The following EHF variants were observed in gnomAD, a reference collection of about 807,000 sequenced individuals.
The protein encoded by EHF is ETS homologous factor.
Under a neutral mutation model 45.1 loss-of-function variants are expected in EHF, and 14 were observed. The ratio of observed to expected loss-of-function variants is 0.31; its 90% CI spans 0.21 to 0.49. The LOEUF (loss-of-function observed/expected upper bound fraction) is 0.49, where lower values mean the gene tolerates loss of function less well. Ranked by LOEUF, EHF falls within the 20% of genes least tolerant of loss-of-function variation. EHF has a pLI of 0.99. For synonymous variants in EHF, 136 were observed against 131.8 expected, an observed-to-expected ratio of 1.03 and a Z score of -0.22; for missense variants, 282 against 371.4, an observed-to-expected ratio of 0.76 and a Z score of 1.98.
intron 6 of EHF, among the ~76,000 whole-genome samples, chr11:34,655,173 C>A (rs1855544213): frequency 6.6e-6 from 1 of 152,148 alleles, no homozygotes; most frequent in East Asian, 1.9e-4. Context: ...GCAGGCCCTG[C>A]TAGTGACAAT....
rs2134254970 is a variant in EHF at position 34,661,158 on chromosome 11, C to T, written c.*2227C>T. The T allele has an allele frequency of 6.6e-6, 1 of 152,230 alleles. No individual in the cohort carries two copies. Among genetic ancestry groups the T allele is most frequent in the South Asian group, 2.1e-4 (1 of 4,814 alleles). 9.4% of individuals were successfully genotyped at this position (152,230 alleles called of 1,614,324 possible). A position where few individuals can be genotyped will look rare whatever the true frequency, so the allele number is the denominator to read the frequency against. ...AAGGCCAAAGAACTATGGGGCCTTC[C>T]CAGCATTTGACTGTTCATTGCATAG... On this transcript the variant is annotated 3_prime_UTR_variant, in exon 9 of 9. Transcript: ENST00000257831.
intron 6 of EHF, among the ~76,000 whole-genome samples, chr11:34,652,212 AAGGTCCGTGAACCTGT>A (rs1855239046): frequency 6.6e-6 from 1 of 152,232 alleles, no homozygotes; most frequent in South Asian, 2.1e-4. Context: ...GTAAAATTCA[AAGGTCCGTGAACCTGT>A]AGTGATAGTT....
chr11:34,639,075 C>T (rs574059153), intron 1 of EHF, among the ~76,000 whole-genome samples: 10 of 152,228 alleles, frequency 6.6e-5, no homozygotes, highest in African/African-American at 2.2e-4. Context: ...AATACTCCCC[C>T]GCAACCCCCT....
chr11:34,637,855 A>T (rs997736397), intron 1 of EHF, among the ~76,000 whole-genome samples: 1 of 151,998 alleles, frequency 6.6e-6, no homozygotes, highest in South Asian at 2.1e-4. Context: ...ATAGGGAAAT[A>T]TATATGAAAA....
Position 34,660,953 on chromosome 11 carries a change from C to T in EHF, c.*2022C>T, listed in dbSNP as rs1856043704. The T allele has an allele frequency of 6.6e-6, 1 of 152,150 alleles. No individual in the cohort carries two copies. The highest frequency in any genetic ancestry group is 1.5e-5 in the Non-Finnish European group (1 of 68,004). 9.4% of individuals were successfully genotyped at this position (152,150 alleles called of 1,614,324 possible). ...TCTTGGAGCACACATGAATAACTTTCTGAAGGTGCAACCAAATCCATTTTT... is the reference window on the plus strand; with the variant it reads ...TCTTGGAGCACACATGAATAACTTTTTGAAGGTGCAACCAAATCCATTTTT... On this transcript the variant is annotated 3_prime_UTR_variant, in exon 9 of 9. Transcript: ENST00000257831.
chr11:34,650,951 G>C (rs2134177818), intron 4 of EHF, among the ~76,000 whole-genome samples: 1 of 152,180 alleles, frequency 6.6e-6, no homozygotes, highest in East Asian at 1.9e-4. Context: ...CCTTGGTTTT[G>C]TTTTGAGAAT....
chr11:34,632,576 G>C, intron 1 of EHF: 1 of 1,535,632 alleles, frequency 6.5e-7, no homozygotes, highest in Non-Finnish European at 8.7e-7. Flanking sequence ...AGAGTTTTCT[G>C]TGAAGGCAAG....
At chr11:34,640,947 G>A (rs1853939285) in intron 1 of EHF, among the ~76,000 whole-genome samples, 1 of 152,178 alleles carries the variant, frequency 6.6e-6, no homozygotes, top group South Asian at 2.1e-4. Flanking sequence ...TACAGACGAG[G>A]TATGATTAGC....
In EHF at chr11:34,621,205, A is replaced by G. The variant is rs369146883; in HGVS notation, c.-27A>G. On this transcript the variant is annotated 5_prime_UTR_variant, in exon 1 of 9. Coordinates refer to ENST00000257831, the MANE Select transcript of EHF (RefSeq NM_012153.6). The stretch of plus-strand genomic sequence containing the variant: ...AACAGCCACAGCTATTGGATTTCCC[A>G]CCCAGAATCTTTAGGTAAATGAGGT... 3 of 152,196 alleles carry G rather than the reference A, an allele frequency of 2.0e-5. No homozygotes were observed. Among genetic ancestry groups the G allele is most frequent in the African/African-American group, 7.2e-5 (3 of 41,442 alleles). The allele number at this position is 152,196 out of a possible 1,614,324, so 9.4% of individuals were successfully genotyped here.
intron 1 of EHF, chr11:34,624,227 G>A (rs1180847344): frequency 2.0e-6 from 2 of 978,628 alleles, no homozygotes; most frequent in Non-Finnish European, 1.2e-6. Context: ...GGAGGCATTG[G>A]CTCCACTGCA....
rs376855051 is a variant in EHF at position 34,646,607 on chromosome 11, G to A, written c.266G>A (p.Ser89Asn). 2.5e-6 allele frequency: 4 copies of A among 1,613,754 alleles called. No homozygotes were observed. The highest frequency in any genetic ancestry group is 4.5e-5 in the East Asian group (2 of 44,892). Residue 89 changes from serine (S) to asparagine (N), a missense_variant, in exon 3 of 9, where the codon AGT (serine) becomes AAT (asparagine). This residue lies in a region of EHF where 213 missense variants were observed against 247.3 expected (regional missense o/e 0.86). Transcript: ENST00000257831. ...AACGGCGAGCACCTCTGCAGCATGA[G>A]TTTGCAGGAGTTCACCCGGGCGGCA... ...DINGEHLCSM[S>N]LQEFTRAAGT...
At chr11:34,640,228 CA>C (rs1207859658) in intron 1 of EHF, among the ~76,000 whole-genome samples, 1 of 152,168 alleles carries the variant, frequency 6.6e-6, no homozygotes, top group Admixed American at 6.5e-5. Flanking sequence ...TCTCCAGCTC[CA>C]AAGCCTGGGT....
chr11:34,625,740 A>C (rs1852322336), intron 1 of EHF, among the ~76,000 whole-genome samples: 1 of 152,160 alleles, frequency 6.6e-6, no homozygotes, highest in South Asian at 2.1e-4. Flanking sequence ...CAAGCACCTA[A>C]CCGCATTCTG....
chr11:34,657,057 C>A (rs1052383544), intron 7 of EHF, 87 bp downstream of exon 7: 38 of 1,466,750 alleles, frequency 2.6e-5, no homozygotes, highest in Non-Finnish European at 3.6e-5. Flanking sequence ...GCAAATATCG[C>A]CTCTGTCTGC....
chr11:34,630,931 C>T (rs1482684519), intron 1 of EHF, among the ~76,000 whole-genome samples: 3 of 152,116 alleles, frequency 2.0e-5, no homozygotes, highest in East Asian at 3.9e-4. Flanking sequence ...CCCAACGGCC[C>T]GGAGAACACT....
chr11:34,654,155 C>T (rs533066863), intron 6 of EHF, among the ~76,000 whole-genome samples: 1 of 152,354 alleles, frequency 6.6e-6, no homozygotes, highest in African/African-American at 2.4e-5. Context: ...TGCGAAGCAG[C>T]TTAGCTGAAG....
chr11:34,655,712 A>G (rs1045107799), intron 6 of EHF, among the ~76,000 whole-genome samples: 1 of 152,238 alleles, frequency 6.6e-6, no homozygotes, highest in African/African-American at 2.4e-5. Flanking sequence ...AGTGCCTGGT[A>G]CATAGTAAGT....
rs1415381324 is a variant in EHF at position 34,646,662 on chromosome 11, C to T, written c.321C>T (p.Asn107=). The T allele has an allele frequency of 1.2e-5, 19 of 1,612,060 alleles. No homozygotes were observed. Among genetic ancestry groups the T allele is most frequent in the Non-Finnish European group, 1.5e-5 (18 of 1,179,994 alleles). The change falls in exon 3 of 9, where the codon AAC becomes AAT. Residue 107 remains asparagine (N), a synonymous_variant. Transcript: ENST00000257831. Reference sequence around the variant, plus strand: ...CGGCGGGGCAGCTCCTCTACAGCAACTTGCAGCATCTGAAGTGGAACGGTG... The same window carrying T: ...CGGCGGGGCAGCTCCTCTACAGCAATTTGCAGCATCTGAAGTGGAACGGTG... ...AGTAGQLLYS[N]LQHLKWNGQC...
In EHF at chr11:34,649,031, G is replaced by C. The variant is rs772569143; in HGVS notation, c.356G>C (p.Ser119Thr). The C allele has an allele frequency of 6.2e-7, 1 of 1,614,052 alleles. No individual in the cohort carries two copies. The highest frequency in any genetic ancestry group is 8.5e-7 in the Non-Finnish European group (1 of 1,179,920). Residue 119 changes from serine (S) to threonine (T), a missense_variant, in exon 4 of 9, where the codon AGT becomes ACT. Ser to Thr is a moderately conservative substitution (Grantham distance 58). Coordinates refer to ENST00000257831, the MANE Select transcript of EHF (RefSeq NM_012153.6). ...QHLKWNGQCS[S>T]DLFQSTHNVI... ...CTGTCCTTCACAGGCCAGTGCAGTA[G>C]TGACCTGTTCCAGTCCACACACAAT...
Sources: gnomAD v4.1 joint callset for allele counts (sites outside exome capture counted in the v4.1 genomes callset) on GRCh38, gnomAD v4.1.1 for gene constraint, gnomAD v4.1.1 regional missense constraint, MANE v1.5 for transcripts, NCBI Gene and HGNC (gene_info 2026-07-23, HGNC 2026-07-21) for gene names.